The following SGMS1 variants were observed in gnomAD, a reference collection of about 807,000 sequenced individuals.
SGMS1 encodes the protein phosphatidylcholine:ceramide cholinephosphotransferase 1.
SGMS1 carries 13 observed loss-of-function variants against 46.2 expected under a neutral mutation model. The ratio of observed to expected loss-of-function variants is 0.28; its 90% CI spans 0.18 to 0.45. The LOEUF is 0.45. SGMS1 is among the 20% of genes least tolerant of loss of function. SGMS1 has a pLI of 1.00. For synonymous variants in SGMS1, 203 were observed against 187.8 expected, an observed-to-expected ratio of 1.08 and a Z score of -0.66; for missense variants, 324 against 519.9, an observed-to-expected ratio of 0.62 and a Z score of 3.66.
intron 2 of SGMS1, among the ~76,000 whole-genome samples, chr10:50,536,980 G>T (rs563033452): frequency 6.6e-6 from 1 of 152,270 alleles, no homozygotes; most frequent in South Asian, 2.1e-4. Flanking sequence ...GTTACTCTTA[G>T]AAGTAGAGTA....
intron 2 of SGMS1, among the ~76,000 whole-genome samples, chr10:50,534,305 A>G (rs1837980578): frequency 6.6e-6 from 1 of 152,226 alleles, no homozygotes; most frequent in Non-Finnish European, 1.5e-5. Flanking sequence ...AAGTTAAAAT[A>G]TAGTACTGGG....
rs539144374 is a variant in SGMS1 at position 50,510,905 on chromosome 10, T to C, written c.-498+8926A>G. ...TAGATTTATATAACAATTTCCACAA[T>C]CGGGATATAAATCTGTTCCATCAAA... On this transcript the variant is annotated intron_variant, in intron 3 of 10. Transcript: ENST00000361781. Among the ~76,000 whole-genome samples the C allele has an allele frequency of 9.3e-4, 142 of 152,246 alleles. 1 individual carries two copies. Among genetic ancestry groups the C allele is most frequent in the African/African-American group, 3.3e-3 (139 of 41,576 alleles).
intron 8 of SGMS1, among the ~76,000 whole-genome samples, chr10:50,321,345 G>A (rs967704274): frequency 5.9e-5 from 9 of 152,226 alleles, no homozygotes; most frequent in African/African-American, 2.2e-4. Flanking sequence ...TCCTCTTTTT[G>A]TAGTCTTTCA....
Position 50,482,243 on chromosome 10 carries a change from A to G in SGMS1, c.-497-15311T>C, listed in dbSNP as rs189759456. Among the ~76,000 whole-genome samples, 516 of 152,300 alleles carry G rather than the reference A, an allele frequency of 3.4e-3. 2 individuals are homozygous for G. Among genetic ancestry groups the G allele is most frequent in the African/African-American group, 0.012 (480 of 41,546 alleles). ...ATCAGATTCTCCAAGGTCAAAGTGA[A>G]GGAAAAAATGTTAAGGGAAGCCAGA... On this transcript the variant is annotated intron_variant, in intron 3 of 10. Coordinates refer to ENST00000361781, the MANE Select transcript of SGMS1 (RefSeq NM_147156.4).
intron 6 of SGMS1, among the ~76,000 whole-genome samples, chr10:50,362,318 T>C (rs1848263181): frequency 6.6e-6 from 1 of 152,208 alleles, no homozygotes; most frequent in African/African-American, 2.4e-5. Flanking sequence ...TTAACACTTA[T>C]ATCCCACAGG....
upstream of SGMS1, chr10:50,624,904 T>C: frequency 2.0e-6 from 2 of 1,004,276 alleles, no homozygotes; most frequent in Admixed American, 6.0e-5. Flanking sequence ...GGGGCGCGGC[T>C]ACGGGCCCGG....
At chr10:50,510,973 C>G (rs931210395) in intron 3 of SGMS1, among the ~76,000 whole-genome samples, 1 of 152,124 alleles carries the variant, frequency 6.6e-6, no homozygotes, top group African/African-American at 2.4e-5. Flanking sequence ...TTATAAACAT[C>G]ATCTGCTGGA....
chr10:50,450,930 ACT>A (rs1285032637), intron 5 of SGMS1, among the ~76,000 whole-genome samples: 1 of 151,826 alleles, frequency 6.6e-6, no homozygotes, highest in African/African-American at 2.4e-5. Flanking sequence ...GAAAAAGAAA[ACT>A]CTAGGAGAAT....
At chr10:50,332,611 CTTTTTTTTTT>C (rs150975310) in intron 7 of SGMS1, among the ~76,000 whole-genome samples, 2 of 72,698 alleles carry the variant, frequency 2.8e-5, no homozygotes, top group Admixed American at 1.7e-4. Flanking sequence ...TTTTTTAAGT[CTTTTTTTTTT>C]TTTTTTTTTT....
At chr10:50,463,327 A>T (rs1380982644) in intron 4 of SGMS1, among the ~76,000 whole-genome samples, 1 of 152,168 alleles carries the variant, frequency 6.6e-6, no homozygotes, top group African/African-American at 2.4e-5. Context: ...CAACAACAAA[A>T]AGCTAAATAA....
intron 6 of SGMS1, among the ~76,000 whole-genome samples, chr10:50,355,049 C>G (rs1267119720): frequency 2.6e-5 from 4 of 152,182 alleles, no homozygotes; most frequent in Admixed American, 6.5e-5. Flanking sequence ...CCTCAGGGAT[C>G]TAGAACTAGA....
chr10:50,380,894 A>G (rs1268060071), intron 6 of SGMS1, among the ~76,000 whole-genome samples: 1 of 152,024 alleles, frequency 6.6e-6, no homozygotes, highest in East Asian at 1.9e-4. Context: ...CAGTGGTGCA[A>G]TCACAGCTCA....
chr10:50,438,350 G>A (rs964021141), intron 5 of SGMS1, among the ~76,000 whole-genome samples: 1 of 152,186 alleles, frequency 6.6e-6, no homozygotes, highest in Non-Finnish European at 1.5e-5. Context: ...GAAAGTGCAG[G>A]CTGCCATTTT....
intron 3 of SGMS1, among the ~76,000 whole-genome samples, chr10:50,476,095 T>TAAAAAA (rs1837424063): frequency 8.4e-4 from 1 of 1,184 alleles, no homozygotes; most frequent in Non-Finnish European, 1.8e-3. Flanking sequence ...TTACTAAAAA[T>TAAAAAA]ACAAAAAAAA....
At chr10:50,469,157 C>T (rs1837357130) in intron 3 of SGMS1, among the ~76,000 whole-genome samples, 1 of 152,198 alleles carries the variant, frequency 6.6e-6, no homozygotes. Context: ...ATTGTGTTGA[C>T]CATAACAGCT....
intron 1 of SGMS1, among the ~76,000 whole-genome samples, chr10:50,603,453 C>T (rs112876743): frequency 1.6e-3 from 241 of 152,280 alleles, no homozygotes; most frequent in African/African-American, 5.2e-3. Context: ...TCTTACTTAT[C>T]GTAAACTTCT....
intron 2 of SGMS1, among the ~76,000 whole-genome samples, chr10:50,552,698 T>C (rs1337381155): frequency 6.6e-6 from 1 of 152,224 alleles, no homozygotes; most frequent in East Asian, 1.9e-4. Context: ...CGCCAAAAGA[T>C]ATCCATGTCC....
intron 8 of SGMS1, among the ~76,000 whole-genome samples, chr10:50,317,794 A>C (rs376650262): frequency 7.0e-6 from 1 of 142,838 alleles, no homozygotes; most frequent in Non-Finnish European, 1.5e-5. Context: ...TATAAAAGTT[A>C]TTTCTTTCTT....
chr10:50,569,946 CAAT>C (rs1347797039), intron 2 of SGMS1, among the ~76,000 whole-genome samples: 1 of 152,150 alleles, frequency 6.6e-6, no homozygotes, highest in Non-Finnish European at 1.5e-5. Flanking sequence ...GCCACGGTGA[CAAT>C]AATTGTGGTT....
Sources: gnomAD v4.1 joint callset for allele counts (sites outside exome capture counted in the v4.1 genomes callset) on GRCh38, gnomAD v4.1.1 for gene constraint, MANE v1.5 for transcripts, NCBI Gene and HGNC (gene_info 2026-07-23, HGNC 2026-07-21) for gene names.